PRKDC: variants seen among roughly 807,000 people sequenced by gnomAD.
The protein encoded by PRKDC is DNA-dependent protein kinase catalytic subunit.
Under a neutral mutation model 486.9 loss-of-function variants are expected in PRKDC, and 82 were observed. The observed-to-expected ratio is 0.17, with a 90% confidence interval of 0.14 to 0.20. The LOEUF (loss-of-function observed/expected upper bound fraction) is 0.20, where lower values mean the gene tolerates loss of function less well. PRKDC is among the 10% of genes least tolerant of loss of function. PRKDC has a pLI of 1.00. For missense variants in PRKDC, 4,504 were observed against 5,038.2 expected, an observed-to-expected ratio of 0.89 and a Z score of 3.21; for synonymous variants, 1,895 against 1,837.0, an observed-to-expected ratio of 1.03 and a Z score of -0.81.
rs183028782 is a variant in PRKDC at position 47,791,330 on chromosome 8, C to T, written c.10671-2092G>A. ...TCCCTACTAAAAATACAAAAATTAG[C>T]GGGGCATGGTGGCGCCTGCCTGTAA... On this transcript the variant is annotated intron_variant, in intron 74 of 85. Coordinates refer to ENST00000314191, the MANE Select transcript of PRKDC (RefSeq NM_006904.7). Among the ~76,000 whole-genome samples, 72 of 152,140 alleles carry T rather than the reference C, an allele frequency of 4.7e-4. 2 individuals are homozygous for T. In the East Asian group the frequency reaches 9.7e-3, roughly 20 times the overall value.
chr8:47,834,686 C>CTTTTTTT (rs1014285595), intron 58 of PRKDC, among the ~76,000 whole-genome samples: 2 of 96,776 alleles, frequency 2.1e-5, no homozygotes, highest in Non-Finnish European at 3.6e-5. Context: ...GAACCCCTGA[C>CTTTTTTT]TTTTTTTTTT....
At chr8:47,840,950 G>A (rs1449003955) in intron 54 of PRKDC, among the ~76,000 whole-genome samples, 4 of 152,188 alleles carry the variant, frequency 2.6e-5, no homozygotes, top group African/African-American at 4.8e-5. Context: ...AACATGCTTC[G>A]AAGACATCTT....
intron 10 of PRKDC, among the ~76,000 whole-genome samples, chr8:47,942,150 C>T (rs1358635707): frequency 6.6e-6 from 1 of 152,228 alleles, no homozygotes; most frequent in African/African-American, 2.4e-5. Context: ...AGATGTTTAT[C>T]GCAGTAAATG....
chr8:47,792,254 A>ATTT (rs757370500), intron 74 of PRKDC, among the ~76,000 whole-genome samples: 15 of 139,464 alleles, frequency 1.1e-4, no homozygotes, highest in East Asian at 2.1e-4. Context: ...CCACAGTAAA[A>ATTT]TTTTTTTTTT....
chr8:47,953,836 G>T lies in PRKDC; in HGVS notation c.592C>A (p.Arg198Ser). The T allele has an allele frequency of 6.4e-7, 1 of 1,571,312 alleles. No individual in the cohort carries two copies. ...EMINNAENLF[R>S]AFLGELKTQM... ...GTCTTAAGTTCACCCAGAAAAGCGC[G>T]GAACAGGTTTTCTGCATTATTTATC... is the stretch of plus-strand genomic sequence containing the variant. Residue 198 changes from arginine (R) to serine (S), a missense_variant, in exon 6 of 86, where the codon CGC becomes AGC. Arg to Ser is a moderately radical substitution (Grantham distance 110). This residue lies in a region of PRKDC where 1,969 missense variants were observed against 2,068.9 expected (regional missense o/e 0.95). Coordinates refer to ENST00000314191, the MANE Select transcript of PRKDC (RefSeq NM_006904.7).
chr8:47,927,367 C>G lies in PRKDC; in HGVS notation c.2260-14G>C. 1 of 1,594,266 alleles carries G rather than the reference C, an allele frequency of 6.3e-7. No individual in the cohort carries two copies. Among genetic ancestry groups the G allele is most frequent in the Non-Finnish European group, 8.5e-7 (1 of 1,174,454 alleles). Reference sequence around the variant, plus strand: ...TTTGAAAGCCATCTGTATGTTAATACAAACAAGTTAAACTGAAACGCAGGA... The same window carrying G: ...TTTGAAAGCCATCTGTATGTTAATAGAAACAAGTTAAACTGAAACGCAGGA... On this transcript the variant is annotated splice_polypyrimidine_tract_variant and intron_variant, in intron 20 of 85. Coordinates refer to ENST00000314191, the MANE Select transcript of PRKDC (RefSeq NM_006904.7).
intron 1 of PRKDC, among the ~76,000 whole-genome samples, chr8:47,957,760 C>G (rs528163712): frequency 6.6e-6 from 1 of 152,288 alleles, no homozygotes; most frequent in East Asian, 1.9e-4. Context: ...ACGATCAGCC[C>G]GCCTCGGCCT....
intron 44 of PRKDC, among the ~76,000 whole-genome samples, 190 bp from the exon 45 acceptor site, chr8:47,861,161 T>C (rs2088668268): frequency 6.6e-6 from 1 of 152,198 alleles, no homozygotes; most frequent in African/African-American, 2.4e-5. Flanking sequence ...TTCCTGCAGA[T>C]TCCCACAGAA....
rs772189868 is a variant in PRKDC, at chr8:47,776,827, A to G, written c.12182+17T>C. 1 of 1,613,040 alleles carries G rather than the reference A, an allele frequency of 6.2e-7. No individual in the cohort carries two copies. Among genetic ancestry groups the G allele is most frequent in the South Asian group, 1.1e-5 (1 of 90,824 alleles). On this transcript the variant is annotated intron_variant, in intron 85 of 85. Coordinates refer to ENST00000314191, the MANE Select transcript of PRKDC (RefSeq NM_006904.7). Reference sequence around the variant, plus strand: ...TGTCGGTAGTCCGTTAGTTTTTTCCACATATAAAAATCTTACCAAGTAATG... The same window carrying G: ...TGTCGGTAGTCCGTTAGTTTTTTCCGCATATAAAAATCTTACCAAGTAATG...
In PRKDC at chr8:47,908,349, A is replaced by G. The variant is rs909999445; in HGVS notation, c.2935-3373T>C. Among the ~76,000 whole-genome samples the G allele has an allele frequency of 6.6e-5, 10 of 152,308 alleles. No individual in the cohort carries two copies. The East Asian group carries it at 1.9e-3, about 29-fold the overall frequency. ...TTTTCTTTATACATTTGTCCATTTT[A>G]AAATCTGATCTCTTCAGTAGTATGT... On this transcript the variant is annotated intron_variant, in intron 25 of 85. Transcript: ENST00000314191.
At chr8:47,923,389 T>C (rs1302144911) in intron 21 of PRKDC, among the ~76,000 whole-genome samples, 1 of 152,162 alleles carries the variant, frequency 6.6e-6, no homozygotes, top group Non-Finnish European at 1.5e-5. Flanking sequence ...ACAGCAAAGA[T>C]TCACTGTCTT....
intron 27 of PRKDC, among the ~76,000 whole-genome samples, chr8:47,902,322 A>G (rs2089701551): frequency 6.6e-6 from 1 of 152,176 alleles, no homozygotes; most frequent in African/African-American, 2.4e-5. Context: ...AAGCCCCTGT[A>G]TATGTGTCTT....
intron 68 of PRKDC, among the ~76,000 whole-genome samples, chr8:47,813,149 G>C (rs1339697551): frequency 6.6e-6 from 1 of 150,802 alleles, no homozygotes; most frequent in East Asian, 1.9e-4. Context: ...ACAGAATCTT[G>C]CTCTGTCTCC....
At chr8:47,796,940 GTCAAACTATTTTCCT>G (rs1188756263) in intron 73 of PRKDC, among the ~76,000 whole-genome samples, 1 of 152,106 alleles carries the variant, frequency 6.6e-6, no homozygotes, top group Non-Finnish European at 1.5e-5. Flanking sequence ...CTGTATAGAA[GTCAAACTATTTTCCT>G]TCATGGATTC....
chr8:47,779,394 T>G (rs183644818), intron 80 of PRKDC: 1 of 242,368 alleles, frequency 4.1e-6, no homozygotes, highest in Non-Finnish European at 7.9e-6. Flanking sequence ...TAAGATGAAC[T>G]AAACATAACT....
intron 26 of PRKDC, among the ~76,000 whole-genome samples, chr8:47,903,310 T>C (rs577007390): frequency 6.6e-6 from 1 of 152,346 alleles, no homozygotes. Flanking sequence ...CTATGGACAT[T>C]TGACCAACGA....
intron 33 of PRKDC, 63 bp downstream of exon 33, chr8:47,888,950 CG>C (rs1477108117): frequency 4.7e-6 from 7 of 1,497,474 alleles, no homozygotes; most frequent in Non-Finnish European, 6.5e-6. Context: ...TGCAGGAGCA[CG>C]GCAACATACT....
rs368585473 is a variant in PRKDC, at chr8:47,927,764, C to T, written c.2259+7G>A. 7.9e-6 allele frequency: 12 copies of T among 1,514,518 alleles called. No homozygotes were observed. Among genetic ancestry groups the T allele is most frequent in the Middle Eastern group, 1.8e-4 (1 of 5,682 alleles). The allele number at this position is 1,514,518 out of a possible 1,614,324, so 93.8% of individuals were successfully genotyped here. On this transcript the variant is annotated splice_region_variant and intron_variant, in intron 20 of 85. Coordinates refer to ENST00000314191, the MANE Select transcript of PRKDC (RefSeq NM_006904.7). ...GAAGAGATGGCTCTGTTCAAGACAA[C>T]GCCTACCTGCAGTGCAGGAACGTAG...
chr8:47,874,876 A>C (rs2089056846), intron 40 of PRKDC, among the ~76,000 whole-genome samples: 2 of 152,094 alleles, frequency 1.3e-5, no homozygotes, highest in African/African-American at 4.8e-5. Context: ...GCAATATGGC[A>C]AAACCCTGTG....
Sources: gnomAD v4.1 joint callset for allele counts (sites outside exome capture counted in the v4.1 genomes callset) on GRCh38, gnomAD v4.1.1 for gene constraint, gnomAD v4.1.1 regional missense constraint, MANE v1.5 for transcripts, NCBI Gene and HGNC (gene_info 2026-07-23, HGNC 2026-07-21) for gene names.